SORCS3: variants seen among roughly 807,000 people sequenced by gnomAD.
SORCS3 encodes the protein VPS10 domain-containing receptor SorCS3.
In SORCS3, 57 loss-of-function variants were observed where a neutral mutation model predicts 146.3. That is an observed-to-expected ratio of 0.39 (90% CI 0.31 to 0.49). The LOEUF (loss-of-function observed/expected upper bound fraction) is 0.49, where lower values mean the gene tolerates loss of function less well. Among genes scored for constraint, SORCS3 ranks in the 20% least tolerant of loss-of-function variants. The pLI, the probability that SORCS3 is intolerant of heterozygous loss-of-function variation, is 0.92. For missense variants in SORCS3, 1,341 were observed against 1,575.5 expected (o/e 0.85, Z 2.52); for synonymous variants, 653 against 618.5 (o/e 1.06, Z -0.83).
chr10:104,890,073 C>CT (rs1367733106), intron 2 of SORCS3, among the ~76,000 whole-genome samples: 1 of 152,018 alleles, frequency 6.6e-6, no homozygotes, highest in Non-Finnish European at 1.5e-5. Context: ...TTCCATATAT[C>CT]TTTTTTTCTA....
At chr10:104,689,010 A>C (rs916064583) in intron 1 of SORCS3, among the ~76,000 whole-genome samples, 1 of 152,018 alleles carries the variant, frequency 6.6e-6, no homozygotes, top group Admixed American at 6.5e-5. Flanking sequence ...GTGGCCTCTT[A>C]CTCAGTTAAC....
At chr10:104,809,358 G>A (rs1175081084) in intron 1 of SORCS3, among the ~76,000 whole-genome samples, 2 of 152,196 alleles carry the variant, frequency 1.3e-5, no homozygotes, top group Non-Finnish European at 2.9e-5. Flanking sequence ...CTGGCTGTCA[G>A]CTGGGGTGCT....
intron 2 of SORCS3, among the ~76,000 whole-genome samples, chr10:104,888,012 T>A (rs959701462): frequency 7.4e-6 from 1 of 135,050 alleles, no homozygotes; most frequent in Non-Finnish European, 1.5e-5. Flanking sequence ...CCAATGAGAG[T>A]GCTTCTAAGA....
At chr10:105,151,080 C>G (rs1375988516) in intron 9 of SORCS3, among the ~76,000 whole-genome samples, 3 of 152,140 alleles carry the variant, frequency 2.0e-5, no homozygotes, top group Non-Finnish European at 1.5e-5. Flanking sequence ...ACAAGTGACT[C>G]TATTAGGGTA....
chr10:104,883,979 G>GGGC (rs1554856923), intron 2 of SORCS3, among the ~76,000 whole-genome samples: 2 of 149,018 alleles, frequency 1.3e-5, no homozygotes, highest in African/African-American at 2.6e-5. Flanking sequence ...GTGGAATGAG[G>GGGC]GGGGGGAAAG....
intron 5 of SORCS3, among the ~76,000 whole-genome samples, chr10:105,047,210 C>G (rs1310372249): frequency 6.6e-6 from 1 of 151,952 alleles, no homozygotes; most frequent in Non-Finnish European, 1.5e-5. Context: ...TGACTCTGCA[C>G]TCTCCTAACA....
chr10:104,905,095 A>G (rs1457504160), intron 2 of SORCS3, among the ~76,000 whole-genome samples: 1 of 152,182 alleles, frequency 6.6e-6, no homozygotes, highest in African/African-American at 2.4e-5. Context: ...TTCATGCCCT[A>G]CTACTCGGGT....
chr10:105,116,694 C>T (rs1039948500), intron 7 of SORCS3, among the ~76,000 whole-genome samples: 5 of 152,072 alleles, frequency 3.3e-5, no homozygotes, highest in Admixed American at 3.3e-4. Flanking sequence ...CAGTGGAATA[C>T]TATGCAGCCA....
chr10:105,147,079 A>G lies in SORCS3; in HGVS notation c.1303-538A>G, dbSNP rs953226272. On this transcript the variant is annotated intron_variant, in intron 8 of 26. Coordinates refer to ENST00000369701, the MANE Select transcript of SORCS3 (RefSeq NM_014978.3). The stretch of plus-strand genomic sequence containing the variant: ...AATATTACACAGAATTCCACTGTAT[A>G]CAACAGATGCAAATATTTTCTGCTC... Among the ~76,000 whole-genome samples the G allele has an allele frequency of 2.6e-5, 4 of 152,250 alleles. No individual in the cohort carries two copies. The East Asian group carries it at 5.8e-4, about 22-fold the overall frequency.
intron 11 of SORCS3, 30 bp from the exon 12 acceptor site, chr10:105,164,273 A>T: frequency 6.4e-7 from 1 of 1,574,622 alleles, no homozygotes; most frequent in Non-Finnish European, 8.7e-7. Flanking sequence ...TAAACTCCTG[A>T]CAATCTCAAA....
At chr10:104,858,893 T>A (rs1324734376) in intron 2 of SORCS3, among the ~76,000 whole-genome samples, 2 of 148,704 alleles carry the variant, frequency 1.3e-5, no homozygotes, top group Non-Finnish European at 3.0e-5. Context: ...AGTGCTGGGA[T>A]TACAGGTGTG....
chr10:105,159,058 TTTTTGGATCATGGACTCAC>T, intron 11 of SORCS3, 64 bp downstream of exon 11: 2 of 1,215,194 alleles, frequency 1.6e-6, no homozygotes, highest in Middle Eastern at 4.8e-4. Flanking sequence ...TTGTCACCTC[TTTTTGGATCATGGACTCAC>T]TTGAGCATCA....
At chr10:104,834,888 C>G (rs748981237) in intron 1 of SORCS3, among the ~76,000 whole-genome samples, 3 of 151,716 alleles carry the variant, frequency 2.0e-5, no homozygotes, top group Non-Finnish European at 2.9e-5. Context: ...TCAGGAGACT[C>G]GGTGTTTGCT....
At chr10:104,781,479 A>G (rs1269977539) in intron 1 of SORCS3, among the ~76,000 whole-genome samples, 3 of 152,212 alleles carry the variant, frequency 2.0e-5, no homozygotes, top group African/African-American at 7.2e-5. Flanking sequence ...TATTCTGGCC[A>G]TTTCAGGGGC....
chr10:104,835,035 A>G (rs911707959), intron 1 of SORCS3, among the ~76,000 whole-genome samples: 4 of 151,938 alleles, frequency 2.6e-5, no homozygotes, highest in Admixed American at 2.6e-4. Context: ...TGTCTCTTGT[A>G]CTATTAATAA....
chr10:105,096,225 T>C (rs1156650560), intron 6 of SORCS3, among the ~76,000 whole-genome samples: 2 of 152,288 alleles, frequency 1.3e-5, no homozygotes, highest in Non-Finnish European at 2.9e-5. Context: ...GTCCTGGGCA[T>C]TGGCCTTTTA....
intron 7 of SORCS3, among the ~76,000 whole-genome samples, chr10:105,108,801 T>C (rs2055839938): frequency 6.6e-6 from 1 of 152,194 alleles, no homozygotes; most frequent in African/African-American, 2.4e-5. Context: ...TGAAATATGG[T>C]AAAAGAATGC....
chr10:105,096,975 G>T (rs1271763226), intron 6 of SORCS3, among the ~76,000 whole-genome samples: 6 of 152,142 alleles, frequency 3.9e-5, no homozygotes, highest in Non-Finnish European at 8.8e-5. Flanking sequence ...TTTAAAACAT[G>T]ATTACTGAAA....
intron 5 of SORCS3, among the ~76,000 whole-genome samples, chr10:105,047,860 A>G (rs1046963919): frequency 6.6e-6 from 1 of 152,098 alleles, no homozygotes; most frequent in East Asian, 1.9e-4. Flanking sequence ...ATGGAAAAAC[A>G]AAGTGTGTCC....
Sources: gnomAD v4.1 joint callset for allele counts (sites outside exome capture counted in the v4.1 genomes callset) on GRCh38, gnomAD v4.1.1 for gene constraint, MANE v1.5 for transcripts, NCBI Gene and HGNC (gene_info 2026-07-23, HGNC 2026-07-21) for gene names.